TSNARE1: variants seen among roughly 807,000 people sequenced by gnomAD.
TSNARE1 encodes t-SNARE domain containing 1.
TSNARE1 carries 49 observed loss-of-function variants against 62.0 expected under a neutral mutation model. That is an observed-to-expected ratio of 0.79 (90% CI 0.63 to 1.00). TSNARE1 has a LOEUF of 1.00. Among genes scored for constraint, TSNARE1 ranks in the 50% least tolerant of loss-of-function variants. The pLI is 0.00. For missense variants in TSNARE1, 755 were observed against 700.1 expected, an observed-to-expected ratio of 1.08 and a Z score of -0.88; for synonymous variants, 328 against 294.4, an observed-to-expected ratio of 1.11 and a Z score of -1.17.
At chr8:142,245,289 A>T (rs12234969) in intron 12 of TSNARE1, among the ~76,000 whole-genome samples, 79,239 of 152,058 alleles carry the variant, frequency 0.52, 21,490 homozygotes, top group African/African-American at 0.65. Flanking sequence ...AGGGGAAGCA[A>T]CTGCGTCCCT....
At chr8:142,349,267 C>T in intron 2 of TSNARE1, among the ~76,000 whole-genome samples, 1 of 152,066 alleles carries the variant, frequency 6.6e-6, no homozygotes, top group East Asian at 1.9e-4. Flanking sequence ...CCAAGTAATT[C>T]CTAAACAAAG....
At chr8:142,326,161 G>C (rs1830210273) in intron 6 of TSNARE1, 1 of 176,706 alleles carries the variant, frequency 5.7e-6, no homozygotes. Flanking sequence ...ACCAGCTAAG[G>C]GGAGGGCCCC....
intron 12 of TSNARE1, among the ~76,000 whole-genome samples, chr8:142,256,980 G>T (rs905268093): frequency 3.3e-5 from 5 of 152,282 alleles, no homozygotes; most frequent in East Asian, 1.9e-4. Context: ...TCATTTGCAT[G>T]CCATTTGCAT....
At chr8:142,376,061 G>C (rs1836311307) in intron 1 of TSNARE1, among the ~76,000 whole-genome samples, 1 of 152,230 alleles carries the variant, frequency 6.6e-6, no homozygotes, top group South Asian at 2.1e-4. Context: ...TCCCAGCAGA[G>C]TCGGTGGACA....
chr8:142,299,483 G>A (rs865997519), intron 10 of TSNARE1, among the ~76,000 whole-genome samples: 11 of 152,336 alleles, frequency 7.2e-5, no homozygotes, highest in Middle Eastern at 6.8e-3. Flanking sequence ...AGGGAAGGAC[G>A]TTCAAGGTCA....
At chr8:142,297,397 G>C (rs900440840) in intron 10 of TSNARE1, among the ~76,000 whole-genome samples, 1 of 152,234 alleles carries the variant, frequency 6.6e-6, no homozygotes, top group African/African-American at 2.4e-5. Flanking sequence ...CTGGGCCTCA[G>C]CTGGCCCGTG....
rs1436289003 is a variant in TSNARE1, at chr8:142,291,426, A to G, written c.1291-6941T>C. Among the ~76,000 whole-genome samples the G allele has an allele frequency of 6.6e-6, 1 of 152,152 alleles. No individual in the cohort carries two copies. Among genetic ancestry groups the G allele is most frequent in the Non-Finnish European group, 1.5e-5 (1 of 68,030 alleles). On this transcript the variant is annotated intron_variant, in intron 10 of 13. Transcript: ENST00000524325. The surrounding 1 kb of genome is among the most constrained non-coding windows in gnomAD (Gnocchi z 4.8). ...TCACAGAGCTCTGGTGTGGGCTGAG[A>G]CACATATAAATAATGTCAGCAGGGC...
chr8:142,279,873 C>CGTG, intron 11 of TSNARE1: 1 of 1,033,270 alleles, frequency 9.7e-7, no homozygotes, highest in South Asian at 2.9e-5. Flanking sequence ...GCAGGGGCTC[C>CGTG]GTGGTCTGGC....
intron 6 of TSNARE1, among the ~76,000 whole-genome samples, chr8:142,328,168 A>T (rs1830525743): frequency 6.6e-6 from 1 of 152,072 alleles, no homozygotes; most frequent in African/African-American, 2.4e-5. Flanking sequence ...GTTTTTTAAA[A>T]AAAAAAACTA....
chr8:142,400,265 T>G (rs959839197), intron 1 of TSNARE1, among the ~76,000 whole-genome samples: 22 of 151,048 alleles, frequency 1.5e-4, no homozygotes, highest in Admixed American at 1.2e-3. Flanking sequence ...GCCAACATGG[T>G]GAAACCCCGT....
At chr8:142,254,172 T>G (rs947663051) in intron 12 of TSNARE1, among the ~76,000 whole-genome samples, 3 of 152,236 alleles carry the variant, frequency 2.0e-5, no homozygotes, top group Non-Finnish European at 4.4e-5. Context: ...GTGTTAAGGC[T>G]TTTTAATGAA....
Position 142,291,515 on chromosome 8 carries a change from A to G in TSNARE1, c.1291-7030T>C, listed in dbSNP as rs1318077046. Among the ~76,000 whole-genome samples, 1 of 151,588 alleles carries G rather than the reference A, an allele frequency of 6.6e-6. No individual in the cohort carries two copies. The highest frequency in any genetic ancestry group is 2.4e-5 in the African/African-American group (1 of 41,252). On this transcript the variant is annotated intron_variant, in intron 10 of 13. Transcript: ENST00000524325. The surrounding 1 kb of genome is among the most constrained non-coding windows in gnomAD (Gnocchi z 4.8). ...TAGAAACACACTCACCCAGCCCCCGACCCAGCCCTCCTCCACCCACCCCAC... is the reference window on the plus strand; with the variant it reads ...TAGAAACACACTCACCCAGCCCCCGGCCCAGCCCTCCTCCACCCACCCCAC...
chr8:142,373,055 G>A (rs543974192), intron 1 of TSNARE1, among the ~76,000 whole-genome samples: 20 of 152,018 alleles, frequency 1.3e-4, no homozygotes, highest in African/African-American at 2.7e-4. Context: ...GGCCTCCCCC[G>A]TCACCTGTCT....
At chr8:142,316,225 G>A (rs1212042628) in intron 7 of TSNARE1, among the ~76,000 whole-genome samples, 2 of 151,808 alleles carry the variant, frequency 1.3e-5, no homozygotes, top group Non-Finnish European at 2.9e-5. Context: ...CACAGGCGTC[G>A]ATGCTGGTCA....
At position 142,215,013 on chromosome 8, in the gene TSNARE1, C is replaced by T. The variant is rs138359097; in HGVS notation, c.*12-2700G>A. 3.3e-4 allele frequency among the ~76,000 whole-genome samples: 50 copies of T among 152,358 alleles called. No individual in the cohort carries two copies. The East Asian group carries it at 9.1e-3, about 28-fold the overall frequency. ...AGCGCTTCCCACCTCAGGGGCTTCA[C>T]CTCTGGCCTCATCACACTCTGTCCA... On this transcript the variant is annotated intron_variant, in intron 13 of 13. Transcript: ENST00000524325.
chr8:142,360,104 A>T (rs1835039554), intron 1 of TSNARE1, among the ~76,000 whole-genome samples: 2 of 152,312 alleles, frequency 1.3e-5, no homozygotes, highest in South Asian at 4.1e-4. Flanking sequence ...AGGCCTTCCC[A>T]ACCAAAGCAC....
rs112684673 is a variant in TSNARE1, at chr8:142,336,657, T to C, written c.746-4826A>G. On this transcript the variant is annotated intron_variant, in intron 4 of 13. Coordinates refer to ENST00000524325, the MANE Select transcript of TSNARE1 (RefSeq NM_145003.5). The stretch of plus-strand genomic sequence containing the variant: ...AGCAGAGCAAGCAGACACAAGAGCA[T>C]AGAGGCCACAGAAACTCCAACACCA... Among the ~76,000 whole-genome samples, 882 of 152,226 alleles carry C rather than the reference T, an allele frequency of 5.8e-3. 12 individuals are homozygous for C. The highest frequency in any genetic ancestry group is 0.02 in the African/African-American group (837 of 41,518).
intron 4 of TSNARE1, among the ~76,000 whole-genome samples, chr8:142,340,352 A>T (rs1490612285): frequency 6.6e-6 from 1 of 152,170 alleles, no homozygotes; most frequent in Non-Finnish European, 1.5e-5. Context: ...ACAGAGGCAC[A>T]TGGGGCATGG....
chr8:142,377,622 C>G (rs1836440655), intron 1 of TSNARE1, among the ~76,000 whole-genome samples: 1 of 152,194 alleles, frequency 6.6e-6, no homozygotes, highest in Admixed American at 6.5e-5. Context: ...CAGCACCTGC[C>G]ATCGGGTTAG....
Sources: gnomAD v4.1 joint callset for allele counts (sites outside exome capture counted in the v4.1 genomes callset) on GRCh38, gnomAD v4.1.1 for gene constraint, Gnocchi (gnomAD v3.1) non-coding constraint, MANE v1.5 for transcripts, NCBI Gene and HGNC (gene_info 2026-07-23, HGNC 2026-07-21) for gene names.